The following CELF4 variants were observed in gnomAD, a reference collection of about 807,000 sequenced individuals.
CELF4 encodes CUG-BP- and ETR-3-like factor 4.
A neutral mutation model predicts 59.9 loss-of-function variants in CELF4; 18 were observed. That is an observed-to-expected ratio of 0.30 (90% CI 0.21 to 0.45). The LOEUF is 0.45. Ranked by LOEUF, CELF4 falls within the 20% of genes least tolerant of loss-of-function variation. The pLI, the probability that CELF4 is intolerant of heterozygous loss-of-function variation, is 1.00. For missense variants in CELF4, 456 were observed against 689.0 expected (o/e 0.66, Z 3.79); for synonymous variants, 261 against 267.1 (o/e 0.98, Z 0.22).
rs73948849 is a variant in CELF4 at position 37,251,658 on chromosome 18, T to C, written c.*44+2109A>G. Among the ~76,000 whole-genome samples the C allele has an allele frequency of 8.5e-3, 1,296 of 152,308 alleles. 20 individuals carry two copies. Among genetic ancestry groups the C allele is most frequent in the African/African-American group, 0.029 (1,212 of 41,558 alleles). On this transcript the variant is annotated intron_variant, in intron 12 of 12. Transcript: ENST00000420428. ...AGGTCACACCTTAATGGCAGAGCTA[T>C]GCTGATTTAAGAAAAAGTGTCCTAT...
chr18:37,512,102 C>T (rs903238548), intron 1 of CELF4, among the ~76,000 whole-genome samples: 2 of 152,214 alleles, frequency 1.3e-5, no homozygotes, highest in Non-Finnish European at 1.5e-5. Context: ...GCTCTGCTGT[C>T]CTTCGCTGGG....
intron 1 of CELF4, among the ~76,000 whole-genome samples, chr18:37,515,281 T>C (rs939515393): frequency 6.6e-6 from 1 of 152,122 alleles, no homozygotes; most frequent in African/African-American, 2.4e-5. Flanking sequence ...CTTATTCCCT[T>C]TTCTGTTTTT....
At chr18:37,475,426 T>C (rs756666293) in intron 2 of CELF4, among the ~76,000 whole-genome samples, 5 of 152,224 alleles carry the variant, frequency 3.3e-5, no homozygotes, top group Non-Finnish European at 7.3e-5. Flanking sequence ...GCTGATCTGA[T>C]GTCCACATTT....
intron 2 of CELF4, among the ~76,000 whole-genome samples, chr18:37,418,366 C>T (rs912909246): frequency 6.6e-5 from 10 of 152,218 alleles, no homozygotes; most frequent in African/African-American, 2.4e-4. Flanking sequence ...CCATTGCTCA[C>T]TCTTGGTGTT....
In CELF4 at chr18:37,558,549, A is replaced by C. The variant is rs533798724; in HGVS notation, c.286+6807T>G. Among the ~76,000 whole-genome samples, 42 of 81,872 alleles carry C rather than the reference A, an allele frequency of 5.1e-4. 1 individual carries two copies. The East Asian group carries it at 0.016, about 30-fold the overall frequency. 53.7% of individuals were successfully genotyped at this position (81,872 alleles called of 152,430 possible). A position where few individuals can be genotyped will look rare whatever the true frequency, so the allele number is the denominator to read the frequency against. On this transcript the variant is annotated intron_variant, in intron 1 of 12. Coordinates refer to ENST00000420428, the MANE Select transcript of CELF4 (RefSeq NM_020180.4). ...AAGGATGATGAAAGGGCTTCAGTGA[A>C]ATTGTGGGGGGCGGGTGGGGGGGGC...
intron 3 of CELF4, among the ~76,000 whole-genome samples, chr18:37,291,218 T>C (rs1281258687): frequency 6.6e-6 from 1 of 152,150 alleles, no homozygotes; most frequent in Non-Finnish European, 1.5e-5. Context: ...AATTTTCAGT[T>C]ATGAACATGA....
intron 2 of CELF4, among the ~76,000 whole-genome samples, chr18:37,348,418 A>G (rs146192844): frequency 8.3e-4 from 126 of 151,778 alleles, no homozygotes; most frequent in Middle Eastern, 3.4e-3. Context: ...ATGTGAATGC[A>G]CCCCCGGTCC....
chr18:37,479,323 C>A (rs911884871), intron 2 of CELF4, among the ~76,000 whole-genome samples: 21 of 152,234 alleles, frequency 1.4e-4, no homozygotes, highest in African/African-American at 4.8e-4. Flanking sequence ...CCCAGGGCCT[C>A]ACTGTCCCAC....
chr18:37,273,985 A>T lies in CELF4; in HGVS notation c.801+326T>A, dbSNP rs1447974201. The T allele has an allele frequency of 2.6e-6, 3 of 1,172,662 alleles. No homozygotes were observed. In the East Asian group the frequency reaches 1.9e-4, roughly 72 times the overall value. 72.6% of individuals were successfully genotyped at this position (1,172,662 alleles called of 1,614,324 possible). On this transcript the variant is annotated intron_variant, in intron 6 of 12. Coordinates refer to ENST00000420428, the MANE Select transcript of CELF4 (RefSeq NM_020180.4). ...CCAATGACCTGAACCTCACCCTCTC[A>T]TCTGTGCTTCCTGGGGTTCAACGTT...
At chr18:37,325,491 C>T (rs955296762) in intron 2 of CELF4, among the ~76,000 whole-genome samples, 6 of 152,196 alleles carry the variant, frequency 3.9e-5, no homozygotes, top group Admixed American at 2.0e-4. Flanking sequence ...ACCCCAGTTG[C>T]AGGCAGCCAG....
chr18:37,447,835 T>G (rs2099752420), intron 2 of CELF4, among the ~76,000 whole-genome samples: 1 of 152,230 alleles, frequency 6.6e-6, no homozygotes, highest in African/African-American at 2.4e-5. Flanking sequence ...CCTCTTCCCA[T>G]CTTTGTTCAT....
At chr18:37,484,930 G>A (rs1398686064) in intron 2 of CELF4, among the ~76,000 whole-genome samples, 1 of 152,120 alleles carries the variant, frequency 6.6e-6, no homozygotes, top group African/African-American at 2.4e-5. Context: ...ACCCACAGGA[G>A]AGACCGCGCA....
chr18:37,497,972 A>C (rs2099927076), intron 1 of CELF4, among the ~76,000 whole-genome samples: 1 of 152,190 alleles, frequency 6.6e-6, no homozygotes, highest in Admixed American at 6.5e-5. Context: ...CCAGTGTGTG[A>C]GATGGGTAGG....
chr18:37,555,533 A>AAT (rs1263115774), intron 1 of CELF4, among the ~76,000 whole-genome samples: 1 of 152,182 alleles, frequency 6.6e-6, no homozygotes, highest in Non-Finnish European at 1.5e-5. Context: ...AGAACCAGTC[A>AAT]ATATGATTAA....
At chr18:37,353,233 A>AAATATATATATATATATAT (rs71168258) in intron 2 of CELF4, among the ~76,000 whole-genome samples, 8 of 106,966 alleles carry the variant, frequency 7.5e-5, no homozygotes, top group Admixed American at 2.5e-4. Flanking sequence ...AAAAAAAAAA[A>AAATATATATATATATATAT]ATATATATAT....
At chr18:37,528,594 C>T (rs1307516232) in intron 1 of CELF4, among the ~76,000 whole-genome samples, 3 of 152,158 alleles carry the variant, frequency 2.0e-5, no homozygotes, top group Non-Finnish European at 2.9e-5. Context: ...GCGGGGAGCA[C>T]ATTCCAGTTT....
chr18:37,340,930 C>T (rs111324677), intron 2 of CELF4, among the ~76,000 whole-genome samples: 40 of 152,330 alleles, frequency 2.6e-4, no homozygotes, highest in African/African-American at 9.6e-4. Context: ...TGATATCAAG[C>T]TAACGTCTGA....
At position 37,540,453 on chromosome 18, in the gene CELF4, A is replaced by G. The variant is rs1000204401; in HGVS notation, c.286+24903T>C. On this transcript the variant is annotated intron_variant, in intron 1 of 12. Coordinates refer to ENST00000420428, the MANE Select transcript of CELF4 (RefSeq NM_020180.4). The stretch of plus-strand genomic sequence containing the variant: ...CTCTGGGGGCCAAAGAGAAGTTCCC[A>G]AGGAGCTCTTCCCTTCTAGGGGTTC... 7.2e-5 allele frequency among the ~76,000 whole-genome samples: 11 copies of G among 152,300 alleles called. No individual in the cohort carries two copies. In the East Asian group the frequency reaches 1.9e-3, roughly 27 times the overall value.
intron 2 of CELF4, among the ~76,000 whole-genome samples, chr18:37,442,048 G>A (rs2099729740): frequency 6.6e-6 from 1 of 151,902 alleles, no homozygotes; most frequent in Non-Finnish European, 1.5e-5. Context: ...CCTTTACCTG[G>A]GGCATTTCCT....
Sources: allele counts gnomAD v4.1 joint callset (sites outside exome capture counted in the v4.1 genomes callset), GRCh38; gene constraint gnomAD v4.1.1; transcripts MANE v1.5; gene names NCBI Gene and HGNC (gene_info 2026-07-23, HGNC 2026-07-21).